MYO7A: variants seen among roughly 807,000 people sequenced by gnomAD.
MYO7A encodes the protein myosin VIIA.
MYO7A carries 210 observed loss-of-function variants against 263.8 expected under a neutral mutation model. That is an observed-to-expected ratio of 0.80 (90% CI 0.71 to 0.89). The LOEUF is 0.89. MYO7A is among the 40% of genes least tolerant of loss of function. MYO7A has a pLI of 0.00. For missense variants in MYO7A, 2,820 were observed against 2,968.3 expected (o/e 0.95, Z 1.16); for synonymous variants, 1,239 against 1,197.3 (o/e 1.03, Z -0.72).
In MYO7A at chr11:77,205,445, C is replaced by T; in HGVS notation, c.5481-17C>T. On this transcript the variant is annotated splice_polypyrimidine_tract_variant and intron_variant, in intron 39 of 48. Transcript: ENST00000409709. ...GATGGCAGCTGCCCCTGCTGGAGCC[C>T]ACGCCTCCTCCTGCAGGTACAGCGA... 6.4e-7 allele frequency: 1 copy of T among 1,553,164 alleles called. No homozygotes were observed. The highest frequency in any genetic ancestry group is 8.7e-7 in the Non-Finnish European group (1 of 1,148,220).
intron 15 of MYO7A, among the ~76,000 whole-genome samples, chr11:77,171,115 G>A (rs559151682): frequency 5.9e-5 from 9 of 152,370 alleles, no homozygotes; most frequent in East Asian, 5.8e-4. Context: ...CAGGGAGGAC[G>A]GGCAGAAAGC....
intron 4 of MYO7A, among the ~76,000 whole-genome samples, chr11:77,153,725 C>G (rs1303249631): frequency 1.3e-5 from 2 of 152,186 alleles, no homozygotes; most frequent in Non-Finnish European, 2.9e-5. Flanking sequence ...CTTTCACCAG[C>G]AGACCTCCTA....
rs1375725489 is a variant in MYO7A at position 77,180,379 on chromosome 11, G to A, written c.2592G>A (p.Leu864=). ...TGGATGCCCCCTTCCCTCAGTATCT[G>A]TGGCGCCTCGAGGCTGAGAAAATGC... The part of the protein sequence containing the change: ...RLHQRLRAEY[L]WRLEAEKMRL... The change falls in exon 22 of 49, where the codon CTG becomes CTA. Residue 864 remains leucine, a synonymous_variant. Coordinates refer to ENST00000409709, the MANE Select transcript of MYO7A (RefSeq NM_000260.4). 3 of 1,612,342 alleles carry A rather than the reference G, an allele frequency of 1.9e-6. No homozygotes were observed. The highest frequency in any genetic ancestry group is 2.7e-5 in the African/African-American group (2 of 75,050).
In MYO7A at chr11:77,214,786, T is replaced by C. The variant is rs1958052452; in HGVS notation, c.*90T>C. The C allele has an allele frequency of 1.8e-6, 2 of 1,115,604 alleles. No homozygotes were observed. The highest frequency in any genetic ancestry group is 2.6e-6 in the Non-Finnish European group (2 of 769,126). The allele number at this position is 1,115,604 out of a possible 1,614,324, so 69.1% of individuals were successfully genotyped here. A position where few individuals can be genotyped will look rare whatever the true frequency, so the allele number is the denominator to read the frequency against. ...GCTACCCCTGCAGCTGGGGAAGACT[T>C]ATGCCATCCCGGCAGCGAGGCTGGG... On this transcript the variant is annotated 3_prime_UTR_variant, in exon 49 of 49. Transcript: ENST00000409709.
At position 77,190,117 on chromosome 11, in the gene MYO7A, C is replaced by T. The variant is rs750358148; in HGVS notation, c.3728C>T (p.Pro1243Leu). The T allele has an allele frequency of 1.1e-5, 18 of 1,572,078 alleles. No individual in the cohort carries two copies. Among genetic ancestry groups the T allele is most frequent in the Non-Finnish European group, 1.4e-5 (16 of 1,159,300 alleles). ...RTFVNGTRTQ[P>L]PSWLELQATK... ...TTTGTCAATGGGACACGGACACAGC[C>T]GCCCAGCTGGCTGGAGCTGCAGGTT... The change falls in exon 29 of 49, where the codon CCG becomes CTG. Residue 1243 changes from proline (P) to leucine (L), a missense_variant. Physicochemically the swap from Pro to Leu is moderately conservative, Grantham distance 98 (BLOSUM62 -3). Coordinates refer to ENST00000409709, the MANE Select transcript of MYO7A (RefSeq NM_000260.4).
Position 77,183,094 on chromosome 11 carries a change from G to T in MYO7A, c.3312G>T (p.Lys1104Asn). 6.4e-7 allele frequency: 1 copy of T among 1,551,888 alleles called. No homozygotes were observed. The highest frequency in any genetic ancestry group is 1.2e-5 in the South Asian group (1 of 84,062). The part of the protein sequence containing the change: ...GEAQLPEGQK[K>N]SSVRHKLVHL... ...CCCAGCTCCCCGAGGGCCAGAAGAA[G>T]AGCAGTGTGAGGCACAAGCTGGTGC... The change falls in exon 26 of 49, where the codon AAG becomes AAT. Residue 1104 changes from lysine (K) to asparagine (N), a missense_variant. Lys to Asn is a moderately conservative substitution (Grantham distance 94). Transcript: ENST00000409709.
chr11:77,146,768 C>T (rs1207109170), intron 3 of MYO7A, among the ~76,000 whole-genome samples: 3 of 151,960 alleles, frequency 2.0e-5, no homozygotes, highest in Non-Finnish European at 4.4e-5. Flanking sequence ...GCTACTGGGT[C>T]ATGGCATTTG....
chr11:77,189,984 C>G (rs777503367), intron 28 of MYO7A, 36 bp from the exon 29 acceptor site: 1 of 1,487,808 alleles, frequency 6.7e-7, no homozygotes, highest in Non-Finnish European at 9.0e-7. Flanking sequence ...ACATGGGGAG[C>G]CCCAGGGGCC....
At position 77,175,469 on chromosome 11, in the gene MYO7A, G is replaced by A. The variant is rs1555079591; in HGVS notation, c.2187+5G>A. 1 of 1,612,782 alleles carries A rather than the reference G, an allele frequency of 6.2e-7. No individual in the cohort carries two copies. The highest frequency in any genetic ancestry group is 1.3e-5 in the African/African-American group (1 of 75,054). On this transcript the variant is annotated splice_donor_5th_base_variant and intron_variant, in intron 18 of 48. Coordinates refer to ENST00000409709, the MANE Select transcript of MYO7A (RefSeq NM_000260.4). ...AAAACCAAGATCTTTCTGAAGGTGAGCACAGATGCCTTCCCTGGGCTGCCC... is the reference window on the plus strand; with the variant it reads ...AAAACCAAGATCTTTCTGAAGGTGAACACAGATGCCTTCCCTGGGCTGCCC...
chr11:77,141,705 G>T (rs931359514), intron 2 of MYO7A, among the ~76,000 whole-genome samples: 1 of 152,116 alleles, frequency 6.6e-6, no homozygotes, highest in Admixed American at 6.6e-5. Flanking sequence ...TCCTATGCTG[G>T]GATTACTGTC....
chr11:77,171,345 G>A lies in MYO7A; in HGVS notation c.1798-1403G>A, dbSNP rs539930772. On this transcript the variant is annotated intron_variant, in intron 15 of 48. Transcript: ENST00000409709. ...CTTGGACAGCTCCCCTCCAGTGACC[G>A]GGGTCACCCGGTGCTGCTGCTGGAT... Among the ~76,000 whole-genome samples the A allele has an allele frequency of 7.2e-5, 11 of 152,288 alleles. 1 individual carries two copies. Among genetic ancestry groups the A allele is most frequent in the Middle Eastern group, 6.8e-3 (2 of 294 alleles).
rs1262179634 is a variant in MYO7A at position 77,185,515 on chromosome 11, A to G, written c.3503+800A>G. 1.5e-4 allele frequency among the ~76,000 whole-genome samples: 23 copies of G among 152,210 alleles called. 3 individuals carry two copies. The highest frequency in any genetic ancestry group is 1.2e-3 in the Admixed American group (19 of 15,284). On this transcript the variant is annotated intron_variant, in intron 27 of 48. Transcript: ENST00000409709. ...TCATCCACTGAAATTTGATCATGAC[A>G]TTGCAGCAACTCAGTTCCATCCTCA...
rs117451238 is a variant in MYO7A at position 77,149,751 on chromosome 11, G to A, written c.285+1801G>A. ...TTTTTGGGCATAGGAAGTGGCTTTC[G>A]CAGGGAGCCTTCTAGCACTGACAAA... On this transcript the variant is annotated intron_variant, in intron 4 of 48. Transcript: ENST00000409709. Among the ~76,000 whole-genome samples the A allele has an allele frequency of 2.7e-3, 411 of 152,226 alleles. 2 individuals carry two copies. The highest frequency in any genetic ancestry group is 9.0e-3 in the African/African-American group (372 of 41,514).
At chr11:77,200,098 C>T (rs1007491742) in intron 35 of MYO7A, among the ~76,000 whole-genome samples, 4 of 151,884 alleles carry the variant, frequency 2.6e-5, no homozygotes, top group African/African-American at 7.3e-5. Flanking sequence ...GTGAGACCCT[C>T]GTCTCTACAA....
At position 77,204,122 on chromosome 11, in the gene MYO7A, C is replaced by T. The variant is rs376301325; in HGVS notation, c.5373C>T (p.Ser1791=). 122 of 1,600,074 alleles carry T rather than the reference C, an allele frequency of 7.6e-5. No homozygotes were observed. Among genetic ancestry groups the T allele is most frequent in the Admixed American group, 1.9e-4 (11 of 58,378 alleles). ...MGDYPSKRTR[S]VNELTDQIFE... ...ACTACCCGTCCAAGAGGACACGCTCCGTCAACGAGCTCACCGACCAGATCT... is the reference window on the plus strand; with the variant it reads ...ACTACCCGTCCAAGAGGACACGCTCTGTCAACGAGCTCACCGACCAGATCT... Residue 1791 remains serine, a synonymous_variant, in exon 39 of 49, where the codon TCC becomes TCT. Coordinates refer to ENST00000409709, the MANE Select transcript of MYO7A (RefSeq NM_000260.4).
Position 77,208,476 on chromosome 11 carries a change from A to G in MYO7A, c.5903A>G (p.His1968Arg), listed in dbSNP as rs758479370. 1.2e-6 allele frequency: 2 copies of G among 1,613,784 alleles called. No homozygotes were observed. The highest frequency in any genetic ancestry group is 1.7e-6 in the Non-Finnish European group (2 of 1,179,798). Reference sequence around the variant, plus strand: ...GACTTCTTCTTTGACTTTGTTCGACACTTGACAGACTGGATAAAGAAAGCT... The same window carrying G: ...GACTTCTTCTTTGACTTTGTTCGACGCTTGACAGACTGGATAAAGAAAGCT... ...ENDFFFDFVRHLTDWIKKARP... is the reference protein window; with the variant it reads ...ENDFFFDFVRRLTDWIKKARP... The change falls in exon 43 of 49, where the codon CAC (histidine) becomes CGC (arginine). Residue 1968 changes from histidine (H) to arginine (R), a missense_variant. Transcript: ENST00000409709.
At chr11:77,157,089 C>CCGTA (rs1952543360) in intron 7 of MYO7A, 85 bp downstream of exon 7, 1 of 1,542,958 alleles carries the variant, frequency 6.5e-7, no homozygotes, top group Admixed American at 1.7e-5. Context: ...GTATTGCTGC[C>CCGTA]CGTATTGCTC....
chr11:77,180,329 C>G (rs781977241), intron 21 of MYO7A, 45 bp from the exon 22 acceptor site: 1 of 1,545,612 alleles, frequency 6.5e-7, no homozygotes, highest in Non-Finnish European at 8.9e-7. Context: ...CCTGCAACAA[C>G]AGCTACACAC....
chr11:77,190,882 C>G lies in MYO7A; in HGVS notation c.3924+12C>G, dbSNP rs2276285. On this transcript the variant is annotated intron_variant, in intron 30 of 48. Coordinates refer to ENST00000409709, the MANE Select transcript of MYO7A (RefSeq NM_000260.4). ...CCCTGTTTGACAAGGTATGGCCGCC[C>G]GGAAGCACCTCCTCCCGGAAGCACC... The G allele has an allele frequency of 6.5e-7, 1 of 1,535,008 alleles. No individual in the cohort carries two copies. Among genetic ancestry groups the G allele is most frequent in the Non-Finnish European group, 8.8e-7 (1 of 1,135,230 alleles).
Sources: gnomAD v4.1 joint callset for allele counts (sites outside exome capture counted in the v4.1 genomes callset) on GRCh38, gnomAD v4.1.1 for gene constraint, MANE v1.5 for transcripts, NCBI Gene and HGNC (gene_info 2026-07-23, HGNC 2026-07-21) for gene names.